The following PPP4R4 variants were observed in gnomAD, a reference collection of about 807,000 sequenced individuals.
PPP4R4 encodes serine/threonine-protein phosphatase 4 regulatory subunit 4.
PPP4R4 carries 70 observed loss-of-function variants against 121.8 expected under a neutral mutation model. The observed-to-expected ratio is 0.57, with a 90% CI of 0.47 to 0.70. The LOEUF is 0.70. PPP4R4 is among the 30% of genes least tolerant of loss of function. PPP4R4 has a pLI of 0.00. For synonymous variants in PPP4R4, 348 were observed against 355.7 expected (o/e 0.98, Z 0.24); for missense variants, 875 against 1,033.6 (o/e 0.85, Z 2.10).
intron 2 of PPP4R4, among the ~76,000 whole-genome samples, chr14:94,202,485 ATTCT>A (rs1178651281): frequency 6.6e-6 from 1 of 152,222 alleles, no homozygotes; most frequent in Non-Finnish European, 1.5e-5. Flanking sequence ...GGGGGAAAGT[ATTCT>A]TTCTTTCACC....
chr14:94,174,926 C>A (rs1888585177), intron 1 of PPP4R4, among the ~76,000 whole-genome samples: 1 of 150,204 alleles, frequency 6.7e-6, no homozygotes, highest in Non-Finnish European at 1.5e-5. Flanking sequence ...CGAGCTCCAG[C>A]CCTCGGGGCA....
At chr14:94,200,756 G>C (rs1890128600) in intron 2 of PPP4R4, among the ~76,000 whole-genome samples, 1 of 148,710 alleles carries the variant, frequency 6.7e-6, no homozygotes, top group African/African-American at 2.4e-5. Context: ...GTCTATCAAT[G>C]TTGTTTATCT....
At chr14:94,196,563 GTCGGCC>G (rs1889887110) in intron 2 of PPP4R4, among the ~76,000 whole-genome samples, 1 of 151,768 alleles carries the variant, frequency 6.6e-6, no homozygotes, top group African/African-American at 2.4e-5. Context: ...ATCTGCCTGC[GTCGGCC>G]TCCCAAAGTG....
Position 94,246,383 on chromosome 14 carries a change from A to G in PPP4R4, c.1455A>G (p.Pro485=). ...NKLSSLPDLI[P]ALTAAEQRAA... is the part of the protein sequence containing the mutation. ...TATCTTCTCTGCCTGACTTGATTCC[A>G]GCACTCACAGCTGCTGAACAGCGAG... The change falls in exon 14 of 25, where the codon CCA becomes CCG. Residue 485 remains proline, a synonymous_variant. Transcript: ENST00000304338. 1 of 1,607,682 alleles carries G rather than the reference A, an allele frequency of 6.2e-7. No individual in the cohort carries two copies. The highest frequency in any genetic ancestry group is 1.3e-5 in the African/African-American group (1 of 74,558).
At chr14:94,228,253 G>A (rs565327016) in intron 3 of PPP4R4, among the ~76,000 whole-genome samples, 2 of 152,314 alleles carry the variant, frequency 1.3e-5, no homozygotes, top group African/African-American at 2.4e-5. Flanking sequence ...TTTAAGTCAT[G>A]CCTTAATAAA....
intron 19 of PPP4R4, among the ~76,000 whole-genome samples, chr14:94,261,053 T>TC (rs1166120681): frequency 1.3e-5 from 2 of 152,164 alleles, no homozygotes; most frequent in African/African-American, 4.8e-5. Context: ...AGCCTTCTTT[T>TC]CCCCATTGAA....
At chr14:94,222,209 A>C (rs1261980913) in intron 3 of PPP4R4, among the ~76,000 whole-genome samples, 1 of 151,860 alleles carries the variant, frequency 6.6e-6, no homozygotes, top group Non-Finnish European at 1.5e-5. Flanking sequence ...TCTTTTTGCC[A>C]ACTGCTCTAT....
At chr14:94,278,080 C>G (rs1237306747) in intron 24 of PPP4R4, among the ~76,000 whole-genome samples, 2 of 152,064 alleles carry the variant, frequency 1.3e-5, no homozygotes, top group Admixed American at 1.3e-4. Context: ...CAGGCCATAT[C>G]CAAGTGAAAA....
At chr14:94,277,003 A>G (rs1284956636) in intron 24 of PPP4R4, among the ~76,000 whole-genome samples, 2 of 152,196 alleles carry the variant, frequency 1.3e-5, no homozygotes, top group Non-Finnish European at 2.9e-5. Context: ...AGTTCCACTT[A>G]AAAGTCATGA....
At chr14:94,258,702 A>G (rs1893607390) in intron 17 of PPP4R4, 81 bp from the exon 18 acceptor site, 1 of 1,044,712 alleles carries the variant, frequency 9.6e-7, no homozygotes, top group Non-Finnish European at 1.5e-6. Flanking sequence ...TTGAACCTCC[A>G]TTTGCAAAAT....
At chr14:94,251,066 A>T (rs573435689) in intron 15 of PPP4R4, among the ~76,000 whole-genome samples, 1 of 152,098 alleles carries the variant, frequency 6.6e-6, no homozygotes, top group Admixed American at 6.5e-5. Context: ...TCTTATTTTA[A>T]TTCGGTTTTC....
chr14:94,268,783 C>T (rs371678671), intron 23 of PPP4R4, among the ~76,000 whole-genome samples: 47 of 152,180 alleles, frequency 3.1e-4, no homozygotes, highest in Admixed American at 4.6e-4. Flanking sequence ...TTCACTATCA[C>T]GAGAACAGCA....
At chr14:94,182,117 A>G (rs1889025972) in intron 2 of PPP4R4, among the ~76,000 whole-genome samples, 1 of 152,130 alleles carries the variant, frequency 6.6e-6, no homozygotes, top group South Asian at 2.1e-4. Flanking sequence ...GTGCTCTGTG[A>G]TGATCTTGCT....
At chr14:94,187,038 A>G (rs4480724) in intron 2 of PPP4R4, among the ~76,000 whole-genome samples, 121,054 of 152,118 alleles carry the variant, frequency 0.8, 48,689 homozygotes, top group Admixed American at 0.85. Flanking sequence ...TGTTAGGCCG[A>G]GCGTGGTGGC....
intron 11 of PPP4R4, among the ~76,000 whole-genome samples, chr14:94,243,352 G>A (rs770529155): frequency 2.0e-5 from 3 of 151,988 alleles, no homozygotes; most frequent in Non-Finnish European, 2.9e-5. Flanking sequence ...TCGGAGGAGC[G>A]GGGATAGGGC....
At chr14:94,224,817 A>C (rs1891606578) in intron 3 of PPP4R4, among the ~76,000 whole-genome samples, 1 of 152,148 alleles carries the variant, frequency 6.6e-6, no homozygotes, top group Non-Finnish European at 1.5e-5. Flanking sequence ...TGTGGAGGAG[A>C]TTGTCTACAG....
chr14:94,227,522 G>A, intron 3 of PPP4R4: 1 of 1,330,202 alleles, frequency 7.5e-7, no homozygotes, highest in Non-Finnish European at 9.6e-7. Flanking sequence ...CACAACAAGA[G>A]AAAAACCCAA....
At chr14:94,218,910 T>C (rs1891224319) in intron 3 of PPP4R4, among the ~76,000 whole-genome samples, 1 of 152,148 alleles carries the variant, frequency 6.6e-6, no homozygotes, top group African/African-American at 2.4e-5. Flanking sequence ...GTACTGAAAG[T>C]AAAAAGCAAA....
At chr14:94,231,596 A>T (rs1272538936) in intron 5 of PPP4R4, among the ~76,000 whole-genome samples, 1 of 152,062 alleles carries the variant, frequency 6.6e-6, no homozygotes, top group East Asian at 1.9e-4. Context: ...GATCATACTG[A>T]ATTTATATAT....
Sources: gnomAD v4.1 joint callset for allele counts (sites outside exome capture counted in the v4.1 genomes callset) on GRCh38, gnomAD v4.1.1 for gene constraint, MANE v1.5 for transcripts, NCBI Gene and HGNC (gene_info 2026-07-23, HGNC 2026-07-21) for gene names.